The following CACHD1 variants were observed in gnomAD, a reference collection of about 807,000 sequenced individuals.
CACHD1 encodes VWFA and cache domain-containing protein 1.
Under a neutral mutation model 138.7 loss-of-function variants are expected in CACHD1, and 71 were observed. The observed-to-expected ratio is 0.51, with a 90% CI of 0.42 to 0.62. The LOEUF (loss-of-function observed/expected upper bound fraction) is 0.62. Among genes scored for constraint, CACHD1 ranks in the 20% least tolerant of loss-of-function variants. The pLI is 0.00. For synonymous variants in CACHD1, 578 were observed against 591.5 expected (o/e 0.98, Z 0.33); for missense variants, 1,389 against 1,625.3 (o/e 0.85, Z 2.50).
At chr1:64,624,465 A>C in intron 4 of CACHD1, among the ~76,000 whole-genome samples, 1 of 152,104 alleles carries the variant, frequency 6.6e-6, no homozygotes, top group Middle Eastern at 3.2e-3. Context: ...CCTTTTTATT[A>C]AGGGGTTGGC....
In CACHD1 at chr1:64,634,103, G is replaced by C; in HGVS notation, c.849G>C (p.Lys283Asn). Reference protein sequence around the residue: ...VRTCSLDQCYKTFLSPATSET... With the variant: ...VRTCSLDQCYNTFLSPATSET... Reference sequence around the variant, plus strand: ...CTTGCTCACTAGACCAGTGCTATAAGACCTTCTTGTCTCCAGCCACCAGTG... The same window carrying C: ...CTTGCTCACTAGACCAGTGCTATAACACCTTCTTGTCTCCAGCCACCAGTG... Residue 283 changes from lysine (K) to asparagine (N), a missense_variant, in exon 7 of 27, where the codon AAG becomes AAC. By Grantham distance (94) the Lys-to-Asn change is moderately conservative (BLOSUM62 0). Coordinates refer to ENST00000651257, the MANE Select transcript of CACHD1 (RefSeq NM_020925.4). 6.2e-7 allele frequency: 1 copy of C among 1,611,410 alleles called. No homozygotes were observed. The highest frequency in any genetic ancestry group is 8.5e-7 in the Non-Finnish European group (1 of 1,179,166).
At chr1:64,508,919 T>C (rs1570315511) in intron 1 of CACHD1, among the ~76,000 whole-genome samples, 1 of 152,186 alleles carries the variant, frequency 6.6e-6, no homozygotes, top group South Asian at 2.1e-4. Flanking sequence ...CTTTGGTGTC[T>C]CCTGCCATTC....
At chr1:64,497,116 C>T (rs1486581063) in intron 1 of CACHD1, among the ~76,000 whole-genome samples, 1 of 151,952 alleles carries the variant, frequency 6.6e-6, no homozygotes, top group Non-Finnish European at 1.5e-5. Context: ...ATTAGCTTTG[C>T]AGTAAAAAAA....
intron 21 of CACHD1, 52 bp downstream of exon 21, chr1:64,676,035 ATAAT>A: frequency 2.5e-6 from 1 of 393,608 alleles, no homozygotes; most frequent in Non-Finnish European, 3.6e-6. Flanking sequence ...AATAATAATA[ATAAT>A]ACATATGTAA....
chr1:64,523,654 T>C (rs1646514757), intron 1 of CACHD1, among the ~76,000 whole-genome samples: 1 of 152,204 alleles, frequency 6.6e-6, no homozygotes, highest in Admixed American at 6.5e-5. Context: ...GCCATGCCCT[T>C]GGTTGCAGGG....
intron 1 of CACHD1, among the ~76,000 whole-genome samples, chr1:64,528,750 T>A (rs944344099): frequency 3.3e-5 from 5 of 151,140 alleles, no homozygotes; most frequent in African/African-American, 7.3e-5. Context: ...ATTATAAACA[T>A]TTTTTTTTGT....
rs140836417 is a variant in CACHD1 at position 64,690,833 on chromosome 1, G to A, written c.3587-490G>A. Among the ~76,000 whole-genome samples, 458 of 152,312 alleles carry A rather than the reference G, an allele frequency of 3.0e-3. 2 individuals carry two copies. Among genetic ancestry groups the A allele is most frequent in the African/African-American group, 0.011 (441 of 41,564 alleles). On this transcript the variant is annotated intron_variant, in intron 26 of 26. Coordinates refer to ENST00000651257, the MANE Select transcript of CACHD1 (RefSeq NM_020925.4). ...TGGCGTCACATTCAGGCATTCAGGCGGAAGCCCAGATTTCCGCACCAGCCC... is the reference window on the plus strand; with the variant it reads ...TGGCGTCACATTCAGGCATTCAGGCAGAAGCCCAGATTTCCGCACCAGCCC...
chr1:64,499,185 T>C (rs1646323764), intron 1 of CACHD1, among the ~76,000 whole-genome samples: 1 of 152,216 alleles, frequency 6.6e-6, no homozygotes, highest in African/African-American at 2.4e-5. Flanking sequence ...TTGGTTGTTT[T>C]TCCCAGACTG....
chr1:64,504,465 A>C (rs2100330092), intron 1 of CACHD1, among the ~76,000 whole-genome samples: 1 of 152,316 alleles, frequency 6.6e-6, no homozygotes, highest in African/African-American at 2.4e-5. Flanking sequence ...TTTTCTAGCA[A>C]GTCTCAACCT....
Position 64,574,426 on chromosome 1 carries a change from G to A in CACHD1, c.262-7730G>A, listed in dbSNP as rs1317401547. On this transcript the variant is annotated intron_variant, in intron 2 of 26. Transcript: ENST00000651257. ...AAAGAGGATCCCAGAAAAAGTCTGAGCTGCCCGAGACTGTAATTACCTATC... is the reference window on the plus strand; with the variant it reads ...AAAGAGGATCCCAGAAAAAGTCTGAACTGCCCGAGACTGTAATTACCTATC... Among the ~76,000 whole-genome samples the A allele has an allele frequency of 2.0e-5, 3 of 152,124 alleles. No homozygotes were observed. In the East Asian group the frequency reaches 5.8e-4, roughly 29 times the overall value.
chr1:64,641,454 G>A (rs12047389), intron 7 of CACHD1, among the ~76,000 whole-genome samples: 28,809 of 152,232 alleles, frequency 0.19, 3,520 homozygotes, highest in African/African-American at 0.33. Flanking sequence ...CTGCATCACA[G>A]AGGAAAGGAT....
intron 3 of CACHD1, among the ~76,000 whole-genome samples, chr1:64,596,786 A>G (rs1215510574): frequency 6.6e-6 from 1 of 152,062 alleles, no homozygotes; most frequent in Non-Finnish European, 1.5e-5. Context: ...AATATTCCCT[A>G]CCCTATTAGC....
intron 1 of CACHD1, among the ~76,000 whole-genome samples, chr1:64,549,157 A>C (rs1236499218): frequency 6.6e-6 from 1 of 152,222 alleles, no homozygotes; most frequent in East Asian, 1.9e-4. Context: ...AATATGCTTC[A>C]GTTTCCTCAT....
At chr1:64,568,169 T>C (rs1432616553) in intron 2 of CACHD1, among the ~76,000 whole-genome samples, 3 of 152,206 alleles carry the variant, frequency 2.0e-5, no homozygotes, top group African/African-American at 7.2e-5. Context: ...GGTTTTGTTT[T>C]GTTTTGTTTT....
intron 2 of CACHD1, among the ~76,000 whole-genome samples, chr1:64,575,780 C>G (rs752116356): frequency 1.3e-5 from 2 of 152,162 alleles, no homozygotes; most frequent in African/African-American, 2.4e-5. Flanking sequence ...AAATAAAGTA[C>G]CCACTATGCC....
chr1:64,641,791 G>A, intron 7 of CACHD1, 29 bp from the exon 8 acceptor site: 2 of 1,474,892 alleles, frequency 1.4e-6, no homozygotes, highest in Non-Finnish European at 1.8e-6. Flanking sequence ...AATCCAAAGA[G>A]AGCATTCAAT....
chr1:64,616,697 CAACT>C (rs2100606626), intron 4 of CACHD1, among the ~76,000 whole-genome samples: 1 of 152,124 alleles, frequency 6.6e-6, no homozygotes, highest in South Asian at 2.1e-4. Context: ...TGAAGCCAAC[CAACT>C]GAGAGATTTT....
chr1:64,688,904 CCA>C (rs1650451270), intron 26 of CACHD1, among the ~76,000 whole-genome samples: 2 of 152,222 alleles, frequency 1.3e-5, no homozygotes, highest in Non-Finnish European at 2.9e-5. Context: ...CCCTTTTCTC[CCA>C]TCAGGTCTAC....
intron 5 of CACHD1, among the ~76,000 whole-genome samples, chr1:64,630,644 G>A (rs1488039036): frequency 2.6e-5 from 4 of 152,116 alleles, no homozygotes; most frequent in Non-Finnish European, 4.4e-5. Flanking sequence ...ACATTCTGGT[G>A]AAGACTTGGG....
Sources: allele counts gnomAD v4.1 joint callset (sites outside exome capture counted in the v4.1 genomes callset), GRCh38; gene constraint gnomAD v4.1.1; transcripts MANE v1.5; gene names NCBI Gene and HGNC (gene_info 2026-07-23, HGNC 2026-07-21).